The following KLRG1 variants were observed in gnomAD, a reference collection of about 807,000 sequenced individuals.
KLRG1 encodes the protein killer cell lectin like receptor G1.
Under a neutral mutation model 21.8 loss-of-function variants are expected in KLRG1, and 16 were observed. The observed-to-expected ratio is 0.73, with a 90% CI of 0.50 to 1.11. The LOEUF (loss-of-function observed/expected upper bound fraction) is 1.11, where lower values mean the gene tolerates loss of function less well. Among genes scored for constraint, KLRG1 ranks in the 50% most tolerant of loss-of-function variants. KLRG1 has a pLI of 0.00. For missense variants in KLRG1, 173 were observed against 218.3 expected (o/e 0.79, Z 1.31); for synonymous variants, 69 against 75.9 (o/e 0.91, Z 0.47).
At chr12:9,153,380 A>C in the KLRG1 span, 3 of 1,559,290 alleles carry the variant, frequency 1.9e-6, no homozygotes, top group South Asian at 2.3e-5. Context: ...CCAAAGAGTA[A>C]ATTTTTGGCA....
At chr12:9,180,329 C>T in the KLRG1 span, among the ~76,000 whole-genome samples, 90,066 of 151,672 alleles carry the variant, frequency 0.59, 27,667 homozygotes, top group East Asian at 0.83. Flanking sequence ...CAAAAAAGAG[C>T]CCGCATCGCC....
At chr12:9,155,284 C>A in the KLRG1 span, among the ~76,000 whole-genome samples, 1 of 151,998 alleles carries the variant, frequency 6.6e-6, no homozygotes, top group Non-Finnish European at 1.5e-5. Flanking sequence ...GTTTGTTGTA[C>A]CTCTTTTCTT....
the KLRG1 span, chr12:9,093,634 G>C: frequency 6.1e-6 from 6 of 982,078 alleles, no homozygotes; most frequent in Non-Finnish European, 8.6e-6. Context: ...AAGCTTATGA[G>C]AGAATGTAAT....
chr12:9,094,873 G>T, the KLRG1 span: 1 of 564,518 alleles, frequency 1.8e-6, no homozygotes, highest in Non-Finnish European at 2.9e-6. Flanking sequence ...TGACTCACAT[G>T]TCCTTTTTGT....
At chr12:9,047,048 T>G in the KLRG1 span, among the ~76,000 whole-genome samples, 1 of 152,132 alleles carries the variant, frequency 6.6e-6, no homozygotes, top group Non-Finnish European at 1.5e-5. Flanking sequence ...AGAGATAAAC[T>G]CTTGCTATGT....
At chr12:9,191,698 G>T in the KLRG1 span, among the ~76,000 whole-genome samples, 1 of 151,928 alleles carries the variant, frequency 6.6e-6, no homozygotes, top group Non-Finnish European at 1.5e-5. Context: ...TAGATTATTT[G>T]ACTTAGAATA....
chr12:9,082,362 C>G, the KLRG1 span, among the ~76,000 whole-genome samples: 1 of 152,138 alleles, frequency 6.6e-6, no homozygotes, highest in African/African-American at 2.4e-5. Context: ...ATTGTAGTAC[C>G]CAGCCAGCAG....
intron 1 of KLRG1, among the ~76,000 whole-genome samples, chr12:8,953,622 C>T (rs1592230180): frequency 6.6e-6 from 1 of 152,242 alleles, no homozygotes; most frequent in East Asian, 1.9e-4. Flanking sequence ...CTATCATTTC[C>T]TCATGATTAT....
chr12:9,201,554 G>A, the KLRG1 span, among the ~76,000 whole-genome samples: 3 of 152,110 alleles, frequency 2.0e-5, no homozygotes, highest in Non-Finnish European at 4.4e-5. Context: ...ATTATTATGT[G>A]TTGCCATTTC....
chr12:9,026,923 A>C, the KLRG1 span, among the ~76,000 whole-genome samples: 1 of 151,850 alleles, frequency 6.6e-6, no homozygotes, highest in Non-Finnish European at 1.5e-5. Flanking sequence ...TGGTGTAATC[A>C]TGGCTCACTG....
the KLRG1 span, among the ~76,000 whole-genome samples, chr12:9,149,770 C>A: frequency 6.6e-6 from 1 of 152,180 alleles, no homozygotes; most frequent in Non-Finnish European, 1.5e-5. Context: ...TATTTATATT[C>A]TCTTTCCCTG....
chr12:9,152,057 T>C, the KLRG1 span, among the ~76,000 whole-genome samples: 1 of 152,212 alleles, frequency 6.6e-6, no homozygotes, highest in Non-Finnish European at 1.5e-5. Context: ...CATATGTCCC[T>C]TAGCTTACGG....
the KLRG1 span, among the ~76,000 whole-genome samples, chr12:9,022,184 T>G: frequency 6.6e-6 from 1 of 152,152 alleles, no homozygotes; most frequent in Non-Finnish European, 1.5e-5. Flanking sequence ...TAACAGTTGT[T>G]TATTATCATT....
the KLRG1 span, among the ~76,000 whole-genome samples, chr12:9,184,642 G>A: frequency 1.3e-5 from 2 of 152,356 alleles, no homozygotes; most frequent in East Asian, 3.9e-4. Flanking sequence ...CCTGCAAAGT[G>A]CTTTGGCTGA....
At chr12:9,133,075 A>C in the KLRG1 span, among the ~76,000 whole-genome samples, 3 of 152,214 alleles carry the variant, frequency 2.0e-5, no homozygotes, top group South Asian at 6.2e-4. Context: ...CATTTTAGAG[A>C]TAAGTAAAGG....
chr12:9,038,658 CT>C, the KLRG1 span, among the ~76,000 whole-genome samples: 1 of 152,142 alleles, frequency 6.6e-6, no homozygotes, highest in Non-Finnish European at 1.5e-5. Context: ...AGACTTTTCC[CT>C]CTTCTTTGAA....
In KLRG1 at chr12:9,009,991, C is replaced by T. The variant is rs1212557732; in HGVS notation, c.*454C>T. On this transcript the variant is annotated 3_prime_UTR_variant, in exon 5 of 5. Coordinates refer to ENST00000356986, the MANE Select transcript of KLRG1 (RefSeq NM_005810.4). ...CTGATCCCTGATGGTATATTTCTATCCTAACAGTGTCCCTTTGCAGATCAA... is the reference window on the plus strand; with the variant it reads ...CTGATCCCTGATGGTATATTTCTATTCTAACAGTGTCCCTTTGCAGATCAA... The T allele has an allele frequency of 6.5e-7, 1 of 1,534,160 alleles. No homozygotes were observed. Among genetic ancestry groups the T allele is most frequent in the East Asian group, 2.4e-5 (1 of 40,888 alleles).
chr12:9,158,399 G>A, the KLRG1 span: 3 of 1,613,554 alleles, frequency 1.9e-6, no homozygotes, highest in Non-Finnish European at 2.5e-6. Flanking sequence ...GTCAGGCTCA[G>A]AAGTTTGTGG....
the KLRG1 span, among the ~76,000 whole-genome samples, chr12:9,195,077 G>A: frequency 6.6e-6 from 1 of 152,144 alleles, no homozygotes; most frequent in African/African-American, 2.4e-5. Flanking sequence ...TTTAAAAATA[G>A]CCAGAAGAGA....
Sources: allele counts gnomAD v4.1 joint callset (sites outside exome capture counted in the v4.1 genomes callset), GRCh38; gene constraint gnomAD v4.1.1; transcripts MANE v1.5; gene names NCBI Gene and HGNC (gene_info 2026-07-23, HGNC 2026-07-21).